HRH1: variants seen among roughly 807,000 people sequenced by gnomAD.
The protein encoded by HRH1 is histamine H1 receptor.
In HRH1, 6 loss-of-function variants were observed where a neutral mutation model predicts 10.3. The observed-to-expected ratio is 0.58, with a 90% CI of 0.32 to 1.15. The LOEUF (loss-of-function observed/expected upper bound fraction) is 1.15. Among genes scored for constraint, HRH1 ranks in the 50% most tolerant of loss-of-function variants. The pLI, the probability that HRH1 is intolerant of heterozygous loss-of-function variation, is 0.05. For missense variants in HRH1, 514 were observed against 615.3 expected (o/e 0.84, Z 1.74); for synonymous variants, 242 against 236.7 (o/e 1.02, Z -0.21).
At chr3:11,147,141 A>G (rs2124996910) in intron 1 of HRH1, among the ~76,000 whole-genome samples, 1 of 152,310 alleles carries the variant, frequency 6.6e-6, no homozygotes, top group South Asian at 2.1e-4. Flanking sequence ...CCACAGTCCC[A>G]CTTTTCACAC....
At chr3:11,236,145 C>T (rs533417528) in intron 1 of HRH1, among the ~76,000 whole-genome samples, 7 of 152,346 alleles carry the variant, frequency 4.6e-5, no homozygotes, top group African/African-American at 1.2e-4. Context: ...AAGAAGACAT[C>T]TCAATATGTT....
At position 11,236,125 on chromosome 3, in the gene HRH1, A is replaced by G. The variant is rs144119155; in HGVS notation, c.-35-22878A>G. Among the ~76,000 whole-genome samples, 64 of 152,340 alleles carry G rather than the reference A, an allele frequency of 4.2e-4. No homozygotes were observed. In the East Asian group the frequency reaches 0.011, roughly 26 times the overall value. ...AGAATAGAGAAAGTACCTCTACTCA[A>G]TCTTCCTGAAAGAAGACATCTCAAT... On this transcript the variant is annotated intron_variant, in intron 1 of 1. Transcript: ENST00000431010.
intron 1 of HRH1, among the ~76,000 whole-genome samples, chr3:11,165,102 C>A (rs1271550511): frequency 6.6e-6 from 1 of 152,212 alleles, no homozygotes; most frequent in East Asian, 1.9e-4. Context: ...AAGCACAGTG[C>A]TAAGACAGTC....
At chr3:11,248,711 G>C (rs973059256) in intron 1 of HRH1, among the ~76,000 whole-genome samples, 27 of 152,358 alleles carry the variant, frequency 1.8e-4, no homozygotes, top group Admixed American at 3.9e-4. Context: ...AAAGGCAAGA[G>C]GTGAAGTTAA....
At chr3:11,220,279 A>G (rs1938663591) in intron 1 of HRH1, among the ~76,000 whole-genome samples, 1 of 152,182 alleles carries the variant, frequency 6.6e-6, no homozygotes, top group African/African-American at 2.4e-5. Context: ...AGAAACCCCA[A>G]GTGCCACTGT....
intron 1 of HRH1, among the ~76,000 whole-genome samples, chr3:11,176,833 C>T (rs1475652105): frequency 1.3e-5 from 2 of 152,220 alleles, no homozygotes; most frequent in African/African-American, 2.4e-5. Flanking sequence ...TGGCTCACGC[C>T]GGTAATCCCA....
At chr3:11,248,884 C>T (rs539684211) in intron 1 of HRH1, among the ~76,000 whole-genome samples, 2 of 152,296 alleles carry the variant, frequency 1.3e-5, no homozygotes, top group East Asian at 3.9e-4. Flanking sequence ...GATGACCATC[C>T]AAGTGGGAAG....
At chr3:11,137,571 CTGAT>C (rs1936205645) in intron 1 of HRH1, among the ~76,000 whole-genome samples, 2 of 151,972 alleles carry the variant, frequency 1.3e-5, no homozygotes, top group East Asian at 1.9e-4. Context: ...GCTGTGGTGA[CTGAT>C]TGGATGGTGG....
intron 1 of HRH1, among the ~76,000 whole-genome samples, chr3:11,204,274 T>C (rs1000567560): frequency 6.6e-6 from 1 of 152,138 alleles, no homozygotes; most frequent in African/African-American, 2.4e-5. Context: ...CTCATGGAGC[T>C]TACTGTCTGT....
rs879803009 is a variant in HRH1 at position 11,263,189 on chromosome 3, C to T, written c.*2688C>T. 6 of 167,092 alleles carry T rather than the reference C, an allele frequency of 3.6e-5. No homozygotes were observed. The highest frequency in any genetic ancestry group is 4.8e-5 in the African/African-American group (2 of 41,464). 10.4% of individuals were successfully genotyped at this position (167,092 alleles called of 1,614,324 possible). A position where few individuals can be genotyped will look rare whatever the true frequency, so the allele number is the denominator to read the frequency against. On this transcript the variant is annotated 3_prime_UTR_variant, in exon 2 of 2. Transcript: ENST00000431010. ...GACTATGATACAGAAATGTCAGCCC[C>T]AGCCCACTAAGAAAGCCCCAGCCCA...
intron 1 of HRH1, among the ~76,000 whole-genome samples, chr3:11,169,340 C>T (rs1468654936): frequency 6.6e-6 from 1 of 152,196 alleles, no homozygotes; most frequent in Non-Finnish European, 1.5e-5. Context: ...TCCTGCATGG[C>T]ATCCCTGCCA....
At chr3:11,226,027 G>A (rs918776552) in intron 1 of HRH1, 3 of 152,476 alleles carry the variant, frequency 2.0e-5, no homozygotes, top group Non-Finnish European at 4.4e-5. Flanking sequence ...GATGAGAACA[G>A]GCATTCCCGG....
chr3:11,248,409 A>G (rs1939546094), intron 1 of HRH1, among the ~76,000 whole-genome samples: 1 of 152,156 alleles, frequency 6.6e-6, no homozygotes, highest in African/African-American at 2.4e-5. Flanking sequence ...GATAGCATCT[A>G]TATAAACATG....
chr3:11,258,808 A>C (rs2152590025), intron 1 of HRH1, among the ~76,000 whole-genome samples, 195 bp from the exon 2 acceptor site: 1 of 152,360 alleles, frequency 6.6e-6, no homozygotes, highest in East Asian at 1.9e-4. Context: ...GAAGAGTGAC[A>C]GAAATTCAAT....
At chr3:11,181,772 C>T (rs1937358942) in intron 1 of HRH1, among the ~76,000 whole-genome samples, 1 of 151,872 alleles carries the variant, frequency 6.6e-6, no homozygotes, top group African/African-American at 2.4e-5. Context: ...GCCGGGACTA[C>T]AGGCGCCCGC....
At chr3:11,250,208 ATTTTTTTTTTT>A (rs71055857) in intron 1 of HRH1, among the ~76,000 whole-genome samples, 15 of 106,910 alleles carry the variant, frequency 1.4e-4, no homozygotes, top group Non-Finnish European at 1.3e-4. Context: ...CACCCGGCTA[ATTTTTTTTTTT>A]TTTTTTTTTT....
At chr3:11,250,137 C>T (rs1340272690) in intron 1 of HRH1, among the ~76,000 whole-genome samples, 2 of 146,586 alleles carry the variant, frequency 1.4e-5, no homozygotes, top group South Asian at 2.2e-4. Context: ...CCGACTCCCG[C>T]GTTCACGCCA....
At chr3:11,161,407 A>T (rs1936919477) in intron 1 of HRH1, among the ~76,000 whole-genome samples, 1 of 152,230 alleles carries the variant, frequency 6.6e-6, no homozygotes, top group Admixed American at 6.5e-5. Context: ...TCATTAAATA[A>T]GTACATCCTG....
intron 1 of HRH1, among the ~76,000 whole-genome samples, chr3:11,176,062 A>G (rs1937242575): frequency 6.6e-6 from 1 of 151,758 alleles, no homozygotes; most frequent in South Asian, 2.1e-4. Flanking sequence ...AGTCCCAGCT[A>G]CTCGGGAGGC....
Sources: gnomAD v4.1 joint callset for allele counts (sites outside exome capture counted in the v4.1 genomes callset) on GRCh38, gnomAD v4.1.1 for gene constraint, MANE v1.5 for transcripts, NCBI Gene and HGNC (gene_info 2026-07-23, HGNC 2026-07-21) for gene names.